COL22A1: variants seen among roughly 807,000 people sequenced by gnomAD.
COL22A1 encodes the protein collagen type XXII alpha 1 chain.
Under a neutral mutation model 248.9 loss-of-function variants are expected in COL22A1, and 221 were observed. That is an observed-to-expected ratio of 0.89 (90% CI 0.80 to 0.99). The LOEUF is 0.99. Among genes scored for constraint, COL22A1 ranks in the 50% least tolerant of loss-of-function variants. COL22A1 has a pLI of 0.00. For missense variants in COL22A1, 2,240 were observed against 2,179.0 expected, an observed-to-expected ratio of 1.03 and a Z score of -0.56; for synonymous variants, 891 against 793.4, an observed-to-expected ratio of 1.12 and a Z score of -2.07.
At chr8:138,814,933 A>C (rs1479599155) in intron 7 of COL22A1, among the ~76,000 whole-genome samples, 1 of 151,996 alleles carries the variant, frequency 6.6e-6, no homozygotes, top group Non-Finnish European at 1.5e-5. Flanking sequence ...CCCAAATCTC[A>C]CCTTGAATTG....
At chr8:138,911,648 A>G (rs1329283699) in intron 1 of COL22A1, among the ~76,000 whole-genome samples, 1 of 152,222 alleles carries the variant, frequency 6.6e-6, no homozygotes, top group Non-Finnish European at 1.5e-5. Context: ...TTGTAACATG[A>G]AATCTCCTGA....
chr8:138,781,364 AGACATCT>A (rs1814982410), intron 12 of COL22A1, among the ~76,000 whole-genome samples: 1 of 152,062 alleles, frequency 6.6e-6, no homozygotes, highest in African/African-American at 2.4e-5. Context: ...TTGGCATCAT[AGACATCT>A]GACTGGATGA....
intron 27 of COL22A1, among the ~76,000 whole-genome samples, chr8:138,718,735 T>C (rs2131116052): frequency 6.6e-6 from 1 of 152,352 alleles, no homozygotes. Context: ...AGAAATTCAG[T>C]TTTAAACTTT....
chr8:138,771,672 A>G (rs1192825660), intron 16 of COL22A1, among the ~76,000 whole-genome samples: 1 of 152,236 alleles, frequency 6.6e-6, no homozygotes, highest in Non-Finnish European at 1.5e-5. Flanking sequence ...TCTTGAAGCA[A>G]GTGGGAAAAA....
intron 7 of COL22A1, among the ~76,000 whole-genome samples, chr8:138,820,547 G>A (rs1016722852): frequency 6.6e-6 from 1 of 152,148 alleles, no homozygotes; most frequent in South Asian, 2.1e-4. Flanking sequence ...CATTGATTCA[G>A]GATGTTCAGT....
chr8:138,909,656 T>A (rs1383479631), intron 1 of COL22A1, among the ~76,000 whole-genome samples: 1 of 151,414 alleles, frequency 6.6e-6, no homozygotes. Context: ...TAACTGGGAG[T>A]GTACAAGTTA....
chr8:138,773,814 A>G (rs1331099888), intron 16 of COL22A1, among the ~76,000 whole-genome samples: 2 of 152,204 alleles, frequency 1.3e-5, no homozygotes, highest in Non-Finnish European at 2.9e-5. Context: ...TGTGACCCCC[A>G]CATGCCTGGG....
chr8:138,674,856 T>A (rs1265878110), intron 41 of COL22A1, among the ~76,000 whole-genome samples: 3 of 152,116 alleles, frequency 2.0e-5, no homozygotes, highest in Middle Eastern at 3.2e-3. Context: ...TAAAGGAGAA[T>A]TTCAGAAAGA....
At chr8:138,684,332 T>C (rs539354172) in intron 39 of COL22A1, 93 bp downstream of exon 39, 96 of 822,980 alleles carry the variant, frequency 1.2e-4, no homozygotes, top group Non-Finnish European at 1.6e-4. Context: ...GGAAGTGGAC[T>C]GAGGTAACCG....
intron 5 of COL22A1, among the ~76,000 whole-genome samples, chr8:138,827,618 G>A (rs903455726): frequency 1.3e-4 from 20 of 152,086 alleles, no homozygotes; most frequent in African/African-American, 4.1e-4. Context: ...GGAGGCCTCA[G>A]CTCCCTGTTG....
At chr8:138,908,160 T>C (rs1200518719) in intron 1 of COL22A1, among the ~76,000 whole-genome samples, 1 of 152,184 alleles carries the variant, frequency 6.6e-6, no homozygotes, top group Non-Finnish European at 1.5e-5. Flanking sequence ...CAGTTCAACC[T>C]TTCAATCATT....
intron 31 of COL22A1, among the ~76,000 whole-genome samples, chr8:138,700,712 C>G (rs1184694690): frequency 6.6e-6 from 1 of 152,198 alleles, no homozygotes; most frequent in African/African-American, 2.4e-5. Flanking sequence ...AGGTCGGGCG[C>G]GGTGGCTCAC....
Position 138,694,819 on chromosome 8 carries a change from G to T in COL22A1, c.2646+7C>A. 1 of 1,613,936 alleles carries T rather than the reference G, an allele frequency of 6.2e-7. No individual in the cohort carries two copies. Among genetic ancestry groups the T allele is most frequent in the Non-Finnish European group, 8.5e-7 (1 of 1,179,894 alleles). On this transcript the variant is annotated splice_region_variant and intron_variant, in intron 33 of 64. Transcript: ENST00000303045. Reference sequence around the variant, plus strand: ...CCCTGCGGGGGAAGGGGACACAAGAGACTCACCGGTTCCCCAGGCAGGCCT... The same window carrying T: ...CCCTGCGGGGGAAGGGGACACAAGATACTCACCGGTTCCCCAGGCAGGCCT...
chr8:138,621,213 G>T (rs1265148270), intron 52 of COL22A1, among the ~76,000 whole-genome samples: 1 of 152,210 alleles, frequency 6.6e-6, no homozygotes, highest in Non-Finnish European at 1.5e-5. Context: ...TGCATAGGTT[G>T]AAGGGTGGAC....
intron 5 of COL22A1, among the ~76,000 whole-genome samples, chr8:138,828,818 T>C (rs1360448477): frequency 6.6e-6 from 1 of 151,938 alleles, no homozygotes; most frequent in Middle Eastern, 3.2e-3. Context: ...CTCCATGCCA[T>C]CTGGCTACTA....
At chr8:138,682,591 C>A (rs904870099) in intron 39 of COL22A1, among the ~76,000 whole-genome samples, 8 of 152,214 alleles carry the variant, frequency 5.3e-5, no homozygotes, top group African/African-American at 1.9e-4. Flanking sequence ...CTTCTCTGAA[C>A]ACATTCTGCC....
At chr8:138,625,609 C>T (rs1192730346) in intron 51 of COL22A1, among the ~76,000 whole-genome samples, 1 of 152,196 alleles carries the variant, frequency 6.6e-6, no homozygotes, top group Non-Finnish European at 1.5e-5. Flanking sequence ...TTTCTCTACT[C>T]TGGCAAGCCA....
At chr8:138,812,072 G>T (rs1818284203) in intron 8 of COL22A1, 151 bp from the exon 9 acceptor site, 1 of 960,750 alleles carries the variant, frequency 1.0e-6, no homozygotes, top group Admixed American at 3.0e-5. Flanking sequence ...GGGGCAGAAA[G>T]CCTGGCCGGC....
intron 38 of COL22A1, among the ~76,000 whole-genome samples, chr8:138,684,899 T>G (rs1366272369): frequency 6.6e-6 from 1 of 152,192 alleles, no homozygotes; most frequent in Non-Finnish European, 1.5e-5. Context: ...GAAGTCCTTC[T>G]TTACGCATAC....
Sources: allele counts gnomAD v4.1 joint callset (sites outside exome capture counted in the v4.1 genomes callset), GRCh38; gene constraint gnomAD v4.1.1; transcripts MANE v1.5; gene names NCBI Gene and HGNC (gene_info 2026-07-23, HGNC 2026-07-21).